DGKH: variants seen among roughly 807,000 people sequenced by gnomAD.
DGKH encodes DAG kinase eta.
DGKH carries 90 observed loss-of-function variants against 159.3 expected under a neutral mutation model. The observed-to-expected ratio is 0.57, with a 90% CI of 0.48 to 0.67. DGKH has a LOEUF of 0.67. Ranked by LOEUF, DGKH falls within the 30% of genes least tolerant of loss-of-function variation. DGKH has a pLI of 0.00. For synonymous variants in DGKH, 536 were observed against 553.8 expected, an observed-to-expected ratio of 0.97 and a Z score of 0.45; for missense variants, 1,181 against 1,506.1, an observed-to-expected ratio of 0.78 and a Z score of 3.57.
At chr13:42,123,644 T>C (rs916015648) in intron 1 of DGKH, among the ~76,000 whole-genome samples, 3 of 151,954 alleles carry the variant, frequency 2.0e-5, no homozygotes, top group Admixed American at 6.6e-5. Context: ...GATGCAAAAA[T>C]AGGAAAACAG....
At chr13:42,246,632 C>G (rs961825733), downstream of DGKH, among the ~76,000 whole-genome samples, 6 of 152,010 alleles carry the variant, frequency 3.9e-5, no homozygotes, top group African/African-American at 1.2e-4. Context: ...GGAGCACTAC[C>G]CTTTCTTAGA....
chr13:42,190,390 T>G lies in DGKH; in HGVS notation c.1913-13T>G, dbSNP rs370606805. ...TCACTTATCCAAACTATTTGTCTTC[T>G]TACTACCTGAAGTTATGGATGACCC... On this transcript the variant is annotated splice_polypyrimidine_tract_variant and intron_variant, in intron 15 of 29. Transcript: ENST00000337343. 5 of 1,603,114 alleles carry G rather than the reference T, an allele frequency of 3.1e-6. No homozygotes were observed. The highest frequency in any genetic ancestry group is 4.2e-6 in the Non-Finnish European group (5 of 1,176,544).
intron 12 of DGKH, 60 bp from the exon 13 acceptor site, chr13:42,178,075 A>G: frequency 2.3e-6 from 3 of 1,303,624 alleles, no homozygotes; most frequent in Non-Finnish European, 3.2e-6. Context: ...TGGAGCAGCA[A>G]TAAGTGAGTT....
chr13:42,104,416 C>T (rs992723540), intron 1 of DGKH, among the ~76,000 whole-genome samples: 2 of 152,216 alleles, frequency 1.3e-5, no homozygotes, highest in African/African-American at 4.8e-5. Context: ...CCATTGCTCG[C>T]ATTTCATTGG....
intron 16 of DGKH, among the ~76,000 whole-genome samples, chr13:42,194,423 A>T (rs1035418232): frequency 2.0e-5 from 3 of 152,178 alleles, no homozygotes; most frequent in Non-Finnish European, 4.4e-5. Context: ...ATGAGCCACC[A>T]CACCTGGCCT....
chr13:42,060,272 A>G (rs577502787), intron 1 of DGKH, among the ~76,000 whole-genome samples: 1 of 152,166 alleles, frequency 6.6e-6, no homozygotes, highest in Non-Finnish European at 1.5e-5. Flanking sequence ...TCCTTTATCT[A>G]TTGTCAAATG....
chr13:42,207,864 A>G (rs1044497259), intron 21 of DGKH, among the ~76,000 whole-genome samples: 2 of 152,002 alleles, frequency 1.3e-5, no homozygotes, highest in African/African-American at 2.4e-5. Flanking sequence ...TATAAGATCA[A>G]TTGGAAAGTA....
chr13:42,148,969 A>G (rs1955810152), intron 3 of DGKH, among the ~76,000 whole-genome samples: 1 of 117,058 alleles, frequency 8.5e-6, no homozygotes, highest in Non-Finnish European at 1.7e-5. Context: ...TTTTTTTGAG[A>G]CAAGTCTCAC....
rs1469232619 is a variant in DGKH, at chr13:42,233,608, A to G, written c.*4420A>G. On this transcript the variant is annotated 3_prime_UTR_variant, in exon 30 of 30. Coordinates refer to ENST00000337343, the MANE Select transcript of DGKH (RefSeq NM_178009.5). ...TCCTTATTCCTAATTCTGGTTCTAG[A>G]TGAGCCCTACCTACCCAGTGGTTGT... 1 of 152,166 alleles carries G rather than the reference A, an allele frequency of 6.6e-6. No homozygotes were observed. Among genetic ancestry groups the G allele is most frequent in the Non-Finnish European group, 1.5e-5 (1 of 68,050 alleles). 9.4% of individuals were successfully genotyped at this position (152,166 alleles called of 1,614,324 possible). A position where few individuals can be genotyped will look rare whatever the true frequency, so the allele number is the denominator to read the frequency against.
rs201346298 is a variant in DGKH at position 42,098,486 on chromosome 13, C to CAAA, written c.193-28967_193-28965dup. On this transcript the variant is annotated intron_variant, in intron 1 of 29. Transcript: ENST00000337343. ...TGAGCAACAGAGCGAGACTCTGTCTCAAAAAAAAAAAATAAATTAATACTT... is the reference window on the plus strand; with the variant it reads ...TGAGCAACAGAGCGAGACTCTGTCTCAAAAAAAAAAAAAAATAAATTAATACTT... Among the ~76,000 whole-genome samples the CAAA allele has an allele frequency of 1.6e-3, 223 of 142,358 alleles. 1 individual carries two copies. The highest frequency in any genetic ancestry group is 4.9e-3 in the African/African-American group (191 of 39,230). The allele number at this position is 142,358 out of a possible 152,430, so 93.4% of individuals were successfully genotyped here.
intron 1 of DGKH, among the ~76,000 whole-genome samples, chr13:42,076,418 CTGGCCTTTTGGATAA>C (rs1191782038): frequency 6.6e-6 from 1 of 152,166 alleles, no homozygotes; most frequent in Admixed American, 6.5e-5. Context: ...ACTTTCTGTA[CTGGCCTTTTGGATAA>C]TGGCCAATTG....
At chr13:42,255,057 T>C (rs767424905) in intron 30 of DGKH, among the ~76,000 whole-genome samples, 51 of 151,968 alleles carry the variant, frequency 3.4e-4, no homozygotes, top group Non-Finnish European at 4.1e-4. Flanking sequence ...TATTTTTGCG[T>C]GTTTCTTTTA....
Position 42,239,856 on chromosome 13 carries a change from C to T in DGKH, c.*10668C>T, listed in dbSNP as rs1958484611. ...TTTTTAGTATCCTCACCAACCTTCC[C>T]TCTGTTGACTTTTGTAATCCAGGAA... On this transcript the variant is annotated 3_prime_UTR_variant, in exon 30 of 30. Transcript: ENST00000337343. 6.6e-6 allele frequency: 1 copy of T among 152,188 alleles called. No individual in the cohort carries two copies. Among genetic ancestry groups the T allele is most frequent in the African/African-American group, 2.4e-5 (1 of 41,428 alleles). 9.4% of individuals were successfully genotyped at this position (152,188 alleles called of 1,614,324 possible).
At chr13:42,171,078 T>C (rs1956443415) in intron 11 of DGKH, among the ~76,000 whole-genome samples, 1 of 152,218 alleles carries the variant, frequency 6.6e-6, no homozygotes, top group African/African-American at 2.4e-5. Context: ...TTTACAAAGA[T>C]GAAAATGTAG....
chr13:42,042,384 ATT>A (rs955673751), intron 1 of DGKH, among the ~76,000 whole-genome samples: 4 of 151,780 alleles, frequency 2.6e-5, no homozygotes, highest in Admixed American at 2.6e-4. Context: ...AAATTAGATA[ATT>A]TTTTTTTCTT....
At chr13:42,224,137 T>A (rs1382097970) in intron 29 of DGKH, among the ~76,000 whole-genome samples, 1 of 152,232 alleles carries the variant, frequency 6.6e-6, no homozygotes, top group Non-Finnish European at 1.5e-5. Context: ...TGTGCCACAT[T>A]TTCTTTATGC....
At position 42,256,253 on chromosome 13, in the gene DGKH, C is replaced by T. The variant is rs888223731; in HGVS notation, n.4128-31C>T. The T allele has an allele frequency of 8.9e-6, 14 of 1,579,400 alleles. No homozygotes were observed. The Admixed American group carries it at 1.7e-4, about 19-fold the overall frequency. On this transcript the variant is annotated intron_variant and non_coding_transcript_variant, in intron 30 of 30. Coordinates refer to the DGKH transcript ENST00000498255. ...GCCAATGATGATTAAAAATGTGTTA[C>T]ACTCAGCCAGGCTGCTGGCGGATGC...
chr13:42,044,227 A>C (rs1333580578), upstream of DGKH: 6 of 152,236 alleles, frequency 3.9e-5, no homozygotes, highest in Admixed American at 1.3e-4. Flanking sequence ...TTCAGGCAGA[A>C]GAGTAAACAC....
intron 1 of DGKH, among the ~76,000 whole-genome samples, chr13:42,060,337 T>C (rs1297590803): frequency 6.6e-6 from 1 of 152,246 alleles, no homozygotes; most frequent in Non-Finnish European, 1.5e-5. Context: ...TTAATGTGAT[T>C]AATTAGATTA....
Sources: allele counts gnomAD v4.1 joint callset (sites outside exome capture counted in the v4.1 genomes callset), GRCh38; gene constraint gnomAD v4.1.1; transcripts MANE v1.5; gene names NCBI Gene and HGNC (gene_info 2026-07-23, HGNC 2026-07-21).